Variants in AHNAK observed in about 807,000 individuals in gnomAD.
The protein encoded by AHNAK is AHNAK nucleoprotein, also known as neuroblast differentiation-associated protein AHNAK.
AHNAK carries 23 observed loss-of-function variants against 37.8 expected under a neutral mutation model. That is an observed-to-expected ratio of 0.61 (90% CI 0.44 to 0.86). AHNAK has a LOEUF of 0.86. Among genes scored for constraint, AHNAK ranks in the 40% least tolerant of loss-of-function variants. AHNAK has a pLI of 0.00. For missense variants in AHNAK, 7,411 were observed against 7,319.4 expected (o/e 1.01, Z -0.46); for synonymous variants, 2,481 against 2,636.3 (o/e 0.94, Z 1.80).
At position 62,530,805 on chromosome 11, in the gene AHNAK, C is replaced by T; in HGVS notation, c.3612G>A (p.Leu1204=). ...KISMPDVDLH[L]KGPKVKGDVD... Reference sequence around the variant, plus strand: ...CATCCCCTTTGACTTTGGGGCCTTTCAAGTGTAAGTCCACATCAGGCATGG... The same window carrying T: ...CATCCCCTTTGACTTTGGGGCCTTTTAAGTGTAAGTCCACATCAGGCATGG... The change falls in exon 5 of 5, where the codon TTG becomes TTA. Residue 1204 remains leucine, a synonymous_variant. Coordinates refer to ENST00000378024, the MANE Select transcript of AHNAK (RefSeq NM_001620.3). 6.2e-7 allele frequency: 1 copy of T among 1,610,680 alleles called. No homozygotes were observed. The highest frequency in any genetic ancestry group is 1.4e-5 in the African/African-American group (1 of 73,900).
rs757127540 is a variant in AHNAK at position 62,517,437 on chromosome 11, T to G, written c.16980A>C (p.Lys5660Asn). The G allele has an allele frequency of 6.2e-7, 1 of 1,614,112 alleles. No homozygotes were observed. The highest frequency in any genetic ancestry group is 1.7e-5 in the Admixed American group (1 of 60,004). The change falls in exon 5 of 5, where the codon AAA (lysine) becomes AAC (asparagine). Residue 5660 changes from lysine (K) to asparagine (N), a missense_variant. By Grantham distance (94) the Lys-to-Asn change is moderately conservative (BLOSUM62 0). Coordinates refer to ENST00000378024, the MANE Select transcript of AHNAK (RefSeq NM_001620.3). Reference protein sequence around the residue: ...ESGSGKVTFPKMKIPKFTFSG... With the variant: ...ESGSGKVTFPNMKIPKFTFSG... ...AGAAGGTAAATTTGGGGATCTTCAT[T>G]TTAGGGAATGTTACTTTTCCAGATC...
chr11:62,521,231 C>A lies in AHNAK; in HGVS notation c.13186G>T (p.Gly4396Cys), dbSNP rs749512459. The change falls in exon 5 of 5, where the codon GGT (glycine) becomes TGT (cysteine). Residue 4396 changes from glycine to cysteine, a missense_variant. Coordinates refer to ENST00000378024, the MANE Select transcript of AHNAK (RefSeq NM_001620.3). ...SMPDIDFNLK[G>C]PKVKGDVDVS... ...TCCACATCACCTTTCACTTTGGGACCCTTCAAGTTAAAGTCAATGTCAGGC... is the reference window on the plus strand; with the variant it reads ...TCCACATCACCTTTCACTTTGGGACACTTCAAGTTAAAGTCAATGTCAGGC... 4.3e-6 allele frequency: 7 copies of A among 1,613,980 alleles called. No individual in the cohort carries two copies. Among genetic ancestry groups the A allele is most frequent in the Non-Finnish European group, 5.1e-6 (6 of 1,180,012 alleles).
chr11:62,439,709 C>G (rs1175660142), intron 5 of AHNAK, among the ~76,000 whole-genome samples: 1 of 135,548 alleles, frequency 7.4e-6, no homozygotes, highest in African/African-American at 2.8e-5. Context: ...ACACTAGCAT[C>G]CAGGCTGGAG....
chr11:62,478,902 G>A (rs1422508443), intron 5 of AHNAK, among the ~76,000 whole-genome samples: 1 of 151,898 alleles, frequency 6.6e-6, no homozygotes. Context: ...CTAAAACAGA[G>A]TCTTGCTCTG....
intron 1 of AHNAK, among the ~76,000 whole-genome samples, chr11:62,541,180 C>G (rs1207105833): frequency 6.6e-6 from 1 of 152,242 alleles, no homozygotes; most frequent in African/African-American, 2.4e-5. Context: ...CCACAGGCCT[C>G]AGTGCCCAAA....
chr11:62,496,138 G>A (rs552626454), intron 4 of AHNAK, among the ~76,000 whole-genome samples: 1 of 151,812 alleles, frequency 6.6e-6, no homozygotes, highest in South Asian at 2.1e-4. Flanking sequence ...ACTAAATAAA[G>A]GAGTAGGAAA....
chr11:62,541,642 A>G (rs982136094), intron 1 of AHNAK, among the ~76,000 whole-genome samples: 1 of 152,232 alleles, frequency 6.6e-6, no homozygotes, highest in Non-Finnish European at 1.5e-5. Context: ...GAGCGCTCTG[A>G]TGTGCCAGGG....
chr11:62,467,591 A>G (rs1044897167), intron 5 of AHNAK, among the ~76,000 whole-genome samples: 4 of 152,228 alleles, frequency 2.6e-5, no homozygotes, highest in African/African-American at 9.6e-5. Flanking sequence ...AGACTGAGGC[A>G]GGAGAATTGC....
At chr11:62,502,561 G>C (rs895192335) in intron 4 of AHNAK, among the ~76,000 whole-genome samples, 9 of 152,182 alleles carry the variant, frequency 5.9e-5, no homozygotes, top group Non-Finnish European at 1.5e-5. Context: ...GAGACATAAT[G>C]ATGGACAAGC....
chr11:62,527,760 G>A lies in AHNAK; in HGVS notation c.6657C>T (p.Asp2219=), dbSNP rs1201216722. 4.3e-6 allele frequency: 7 copies of A among 1,613,976 alleles called. No homozygotes were observed. Among genetic ancestry groups the A allele is most frequent in the South Asian group, 1.1e-5 (1 of 91,066 alleles). The change falls in exon 5 of 5, where the codon GAC becomes GAT. Residue 2219 remains aspartate (D), a synonymous_variant. Coordinates refer to ENST00000378024, the MANE Select transcript of AHNAK (RefSeq NM_001620.3). ...CAATGTCCACTTTGGGCCCTCTGAT[G>A]TCAACATCTGGCACTTTCATTTCAC... ...VEGEMKVPDV[D]IRGPKVDIDA...
intron 5 of AHNAK, among the ~76,000 whole-genome samples, chr11:62,454,680 G>A (rs1307315243): frequency 6.6e-6 from 1 of 151,994 alleles, no homozygotes; most frequent in Non-Finnish European, 1.5e-5. Flanking sequence ...GGGTTCACAG[G>A]GATAGATCTG....
chr11:62,452,185 T>C (rs1483466071), intron 5 of AHNAK, among the ~76,000 whole-genome samples: 2 of 152,176 alleles, frequency 1.3e-5, no homozygotes, highest in African/African-American at 2.4e-5. Context: ...CAATAACAGA[T>C]ACATTTGTTA....
In AHNAK at chr11:62,450,977, GGGA is replaced by G. The variant is rs1324284963; in HGVS notation, c.443-17089_443-17087del. 7.2e-5 allele frequency among the ~76,000 whole-genome samples: 11 copies of G among 151,800 alleles called. 1 individual carries two copies. The highest frequency in any genetic ancestry group is 1.5e-4 in the Non-Finnish European group (10 of 67,732). ...TCGCGGCACTTTGGGAGGCCAAGGC[GGGA>G]GGAGAAGAGATGAGACGGAGACCCA... is the stretch of plus-strand genomic sequence containing the variant. On this transcript the variant is annotated intron_variant, in intron 5 of 5. Transcript: ENST00000257247.
intron 5 of AHNAK, among the ~76,000 whole-genome samples, chr11:62,463,046 C>T (rs1224695936): frequency 1.4e-5 from 2 of 147,328 alleles, no homozygotes; most frequent in African/African-American, 5.0e-5. Flanking sequence ...ATCACTTGAA[C>T]CCAGGAAGCA....
At chr11:62,482,633 C>T (rs889805011) in intron 5 of AHNAK, among the ~76,000 whole-genome samples, 1 of 152,074 alleles carries the variant, frequency 6.6e-6, no homozygotes, top group African/African-American at 2.4e-5. Context: ...ACGCCATGCC[C>T]GACACATAGA....
At chr11:62,461,029 G>T (rs1327484201) in intron 5 of AHNAK, among the ~76,000 whole-genome samples, 2 of 147,078 alleles carry the variant, frequency 1.4e-5, no homozygotes, top group African/African-American at 5.0e-5. Flanking sequence ...TAGAGACAGG[G>T]TTTCACTGTG....
At chr11:62,509,145 A>G (rs191434995) in intron 4 of AHNAK, among the ~76,000 whole-genome samples, 38 of 152,224 alleles carry the variant, frequency 2.5e-4, no homozygotes, top group Non-Finnish European at 5.0e-4. Context: ...TATAACCTGA[A>G]CCCAATCATG....
At chr11:62,487,173 G>A (rs945648249) in intron 5 of AHNAK, among the ~76,000 whole-genome samples, 1 of 152,236 alleles carries the variant, frequency 6.6e-6, no homozygotes, top group African/African-American at 2.4e-5. Context: ...AATTACAACA[G>A]CTAACGTTTA....
chr11:62,490,197 C>CTTTTTTTTTTTTTTTT (rs944550481), intron 5 of AHNAK, among the ~76,000 whole-genome samples: 17 of 115,934 alleles, frequency 1.5e-4, no homozygotes, highest in South Asian at 2.8e-4. Flanking sequence ...TTTTCTTTTT[C>CTTTTTTTTTTTTTTTT]TTTTTTTTTT....
Sources: allele counts gnomAD v4.1 joint callset (sites outside exome capture counted in the v4.1 genomes callset), GRCh38; gene constraint gnomAD v4.1.1; transcripts MANE v1.5; gene names NCBI Gene and HGNC (gene_info 2026-07-23, HGNC 2026-07-21).